The following FBLN1 variants were observed in gnomAD, a reference collection of about 807,000 sequenced individuals.
FBLN1 encodes the protein fibulin-1.
Under a neutral mutation model 89.7 loss-of-function variants are expected in FBLN1, and 34 were observed. The observed-to-expected ratio is 0.38, with a 90% CI of 0.29 to 0.50. The LOEUF is 0.50. Among genes scored for constraint, FBLN1 ranks in the 20% least tolerant of loss-of-function variants. The pLI, the probability that FBLN1 is intolerant of heterozygous loss-of-function variation, is 0.92. For missense variants in FBLN1, 777 were observed against 988.1 expected, an observed-to-expected ratio of 0.79 and a Z score of 2.86; for synonymous variants, 393 against 391.3, an observed-to-expected ratio of 1.00 and a Z score of -0.05.
chr22:45,507,081 G>A (rs541909276), intron 1 of FBLN1, among the ~76,000 whole-genome samples: 31 of 152,286 alleles, frequency 2.0e-4, no homozygotes, highest in Admixed American at 5.2e-4. Flanking sequence ...CCTGGGATAG[G>A]AGACCCCCTC....
intron 2 of FBLN1, chr22:45,522,963 T>G: frequency 3.9e-6 from 2 of 508,692 alleles, no homozygotes; most frequent in South Asian, 3.8e-5. Flanking sequence ...GGAGGCGGCA[T>G]TCTATAGGGG....
In FBLN1 at chr22:45,549,793, C is replaced by T. The variant is rs1425823924; in HGVS notation, c.1574-699C>T. ...CAGAGTCTATGGGAGTTGGGCTGCT[C>T]CCCCATCTCCAGGGGCCTCTCAGTG... On this transcript the variant is annotated intron_variant, in intron 13 of 16. Coordinates refer to ENST00000327858, the MANE Select transcript of FBLN1 (RefSeq NM_006486.3). This position sits in a 1 kb window ranked among gnomAD's most constrained non-coding sequence, Gnocchi z 5.7. Among the ~76,000 whole-genome samples, 1 of 152,144 alleles carries T rather than the reference C, an allele frequency of 6.6e-6. No homozygotes were observed. Among genetic ancestry groups the T allele is most frequent in the Non-Finnish European group, 1.5e-5 (1 of 68,022 alleles).
In FBLN1 at chr22:45,552,610, T is replaced by G. The variant is rs1476179016; in HGVS notation, c.1697+1995T>G. Among the ~76,000 whole-genome samples, 5 of 152,340 alleles carry G rather than the reference T, an allele frequency of 3.3e-5. 1 individual carries two copies. The East Asian group carries it at 5.8e-4, about 18-fold the overall frequency. The stretch of plus-strand genomic sequence containing the variant: ...TTAGGAGGGACCCATGGCCGGCGCT[T>G]CTGTGGTTAACAACTCAGCAAGAGC... On this transcript the variant is annotated intron_variant, in intron 14 of 16. Coordinates refer to ENST00000327858, the MANE Select transcript of FBLN1 (RefSeq NM_006486.3).
chr22:45,585,869 C>T (rs942551631), intron 16 of FBLN1, among the ~76,000 whole-genome samples: 25 of 152,138 alleles, frequency 1.6e-4, no homozygotes, highest in Admixed American at 1.5e-3. Context: ...TGTGTGACGG[C>T]GCGTAGCCCC....
At chr22:45,539,121 C>A (rs136750) in intron 8 of FBLN1, among the ~76,000 whole-genome samples, 30,709 of 100,368 alleles carry the variant, frequency 0.31, 5,578 homozygotes, top group Middle Eastern at 0.47. Flanking sequence ...CTTCCCCTCC[C>A]CCTCCCCTCC....
At chr22:45,586,510 C>A (rs1026935702) in intron 16 of FBLN1, among the ~76,000 whole-genome samples, 1 of 152,314 alleles carries the variant, frequency 6.6e-6, no homozygotes, top group Non-Finnish European at 1.5e-5. Context: ...ATGGTCCCAG[C>A]GGGAGGGTGG....
intron 1 of FBLN1, among the ~76,000 whole-genome samples, chr22:45,512,456 C>T (rs2088113975): frequency 6.6e-6 from 1 of 152,190 alleles, no homozygotes; most frequent in Non-Finnish European, 1.5e-5. Flanking sequence ...TGGGCAGGCA[C>T]TGAGAAGGCA....
chr22:45,533,609 C>T (rs777258607), intron 6 of FBLN1, 152 bp from the exon 7 acceptor site: 25 of 845,220 alleles, frequency 3.0e-5, no homozygotes, highest in Non-Finnish European at 4.6e-5. Context: ...TCCGTGCAGT[C>T]CACAGCCCGG....
intron 16 of FBLN1, among the ~76,000 whole-genome samples, chr22:45,586,934 T>C (rs1201659995): frequency 6.6e-6 from 1 of 152,058 alleles, no homozygotes; most frequent in Non-Finnish European, 1.5e-5. Flanking sequence ...GGACAGGGTC[T>C]ACGGACAGTA....
rs1042190142 is a variant in FBLN1, at chr22:45,557,449, A to C, written c.1697+6834A>C. On this transcript the variant is annotated intron_variant, in intron 14 of 16. Coordinates refer to ENST00000327858, the MANE Select transcript of FBLN1 (RefSeq NM_006486.3). The surrounding 1 kb of genome is among the most constrained non-coding windows in gnomAD (Gnocchi z 4.9). ...CGAGGGCTCAGTGTTGGTCTCTGCTACTGGCGAATTGGGTACTCAGCAGTG... is the reference window on the plus strand; with the variant it reads ...CGAGGGCTCAGTGTTGGTCTCTGCTCCTGGCGAATTGGGTACTCAGCAGTG... Among the ~76,000 whole-genome samples, 15 of 152,264 alleles carry C rather than the reference A, an allele frequency of 9.9e-5. No homozygotes were observed. Among genetic ancestry groups the C allele is most frequent in the African/African-American group, 3.4e-4 (14 of 41,560 alleles).
In FBLN1 at chr22:45,581,145, G is replaced by T. The variant is rs778383273; in HGVS notation, c.1972+4037G>T. On this transcript the variant is annotated intron_variant, in intron 16 of 16. Transcript: ENST00000327858. The surrounding 1 kb of genome is among the most constrained non-coding windows in gnomAD (Gnocchi z 7.6). Reference sequence around the variant, plus strand: ...ATCCTGAGTGATGACTAATGGGGGAGCCCTGGCTGCAGCAGGGGCGGGCTG... The same window carrying T: ...ATCCTGAGTGATGACTAATGGGGGATCCCTGGCTGCAGCAGGGGCGGGCTG... Among the ~76,000 whole-genome samples the T allele has an allele frequency of 1.8e-4, 28 of 152,292 alleles. No homozygotes were observed. Among genetic ancestry groups the T allele is most frequent in the Non-Finnish European group, 3.4e-4 (23 of 68,016 alleles).
intron 14 of FBLN1, among the ~76,000 whole-genome samples, chr22:45,564,267 C>T (rs2088881721): frequency 6.6e-6 from 1 of 152,242 alleles, no homozygotes; most frequent in Non-Finnish European, 1.5e-5. Context: ...TCCCAGCGTC[C>T]ATTCACCTCC....
intron 16 of FBLN1, among the ~76,000 whole-genome samples, chr22:45,587,970 T>G (rs1447374445): frequency 6.6e-6 from 1 of 152,040 alleles, no homozygotes; most frequent in Non-Finnish European, 1.5e-5. Context: ...GAGTAATGTG[T>G]GTATCCCTGG....
At chr22:45,570,340 G>GAAAAA (rs2088941696) in intron 14 of FBLN1, among the ~76,000 whole-genome samples, 8 of 59,162 alleles carry the variant, frequency 1.4e-4, no homozygotes, top group South Asian at 6.0e-4. Context: ...AAAAAAAAAA[G>GAAAAA]AAAAGAAAAG....
chr22:45,548,847 G>A, intron 13 of FBLN1, 103 bp downstream of exon 13: 1 of 1,545,730 alleles, frequency 6.5e-7, no homozygotes, highest in Non-Finnish European at 8.7e-7. Flanking sequence ...CCAACCCAAG[G>A]GCCACAGCAC....
Position 45,562,966 on chromosome 22 carries a change from G to C in FBLN1, c.1698-11545G>C. The C allele has an allele frequency of 6.2e-7, 1 of 1,614,022 alleles. No homozygotes were observed. The highest frequency in any genetic ancestry group is 8.5e-7 in the Non-Finnish European group (1 of 1,180,008). The stretch of plus-strand genomic sequence containing the variant: ...ATCGGGAGTGCTCCAAGCTGCCTCT[G>C]AGAATAACCTACTACCACCTCTCTT... On this transcript the variant is annotated intron_variant, in intron 14 of 16. Transcript: ENST00000327858. This position sits in a 1 kb window ranked among gnomAD's most constrained non-coding sequence, Gnocchi z 7.8.
chr22:45,546,973 G>C lies in FBLN1; in HGVS notation c.1322-112G>C, dbSNP rs902406589. The C allele has an allele frequency of 1.8e-5, 28 of 1,539,812 alleles. No individual in the cohort carries two copies. In the African/African-American group the frequency reaches 3.5e-4, roughly 19 times the overall value. ...CCCCGGGACCTCTGTCTCTCCGAGT[G>C]TGTTAACCTGAGGGAGGTGGAGAGG... On this transcript the variant is annotated intron_variant, in intron 11 of 16. Transcript: ENST00000327858.
chr22:45,552,202 A>T (rs1171277967), intron 14 of FBLN1, among the ~76,000 whole-genome samples: 1 of 151,784 alleles, frequency 6.6e-6, no homozygotes, highest in African/African-American at 2.4e-5. Context: ...GGAGGAGGGG[A>T]CCCCACCTGG....
chr22:45,572,949 G>A lies in FBLN1; in HGVS notation c.1698-1562G>A, dbSNP rs375630664. Among the ~76,000 whole-genome samples, 3 of 152,220 alleles carry A rather than the reference G, an allele frequency of 2.0e-5. No homozygotes were observed. Among genetic ancestry groups the A allele is most frequent in the South Asian group, 2.1e-4 (1 of 4,826 alleles). On this transcript the variant is annotated intron_variant, in intron 14 of 16. Coordinates refer to ENST00000327858, the MANE Select transcript of FBLN1 (RefSeq NM_006486.3). The surrounding 1 kb of genome is among the most constrained non-coding windows in gnomAD (Gnocchi z 5.8). Reference sequence around the variant, plus strand: ...AGTTGTATGGAAAATAAAGGAGGCCGGGCACGTTGGCTCACGCCTGTAATC... The same window carrying A: ...AGTTGTATGGAAAATAAAGGAGGCCAGGCACGTTGGCTCACGCCTGTAATC...
Sources: allele counts gnomAD v4.1 joint callset (sites outside exome capture counted in the v4.1 genomes callset), GRCh38; gene constraint gnomAD v4.1.1; non-coding constraint Gnocchi (gnomAD v3.1); transcripts MANE v1.5; gene names NCBI Gene and HGNC (gene_info 2026-07-23, HGNC 2026-07-21).